The following TBC1D5 variants were observed in gnomAD, a reference collection of about 807,000 sequenced individuals.
TBC1D5 encodes the protein TBC1 domain family, member 5.
TBC1D5 carries 75 observed loss-of-function variants against 100.3 expected under a neutral mutation model. The observed-to-expected ratio is 0.75, with a 90% confidence interval of 0.62 to 0.91. TBC1D5 has a LOEUF of 0.91. Among genes scored for constraint, TBC1D5 ranks in the 40% least tolerant of loss-of-function variants. The pLI is 0.00. For synonymous variants in TBC1D5, 323 were observed against 325.6 expected, an observed-to-expected ratio of 0.99 and a Z score of 0.09; for missense variants, 910 against 942.4, an observed-to-expected ratio of 0.97 and a Z score of 0.45.
intron 13 of TBC1D5, among the ~76,000 whole-genome samples, chr3:17,314,085 C>T (rs892957996): frequency 2.6e-5 from 4 of 152,164 alleles, no homozygotes; most frequent in South Asian, 2.1e-4. Flanking sequence ...GGTTTCACAC[C>T]TATTAGTGTT....
chr3:17,686,354 T>C (rs949844210), intron 1 of TBC1D5, among the ~76,000 whole-genome samples: 4 of 152,164 alleles, frequency 2.6e-5, no homozygotes, highest in South Asian at 4.1e-4. Context: ...CAAGTTATGA[T>C]AGCTGTTCCC....
intron 19 of TBC1D5, among the ~76,000 whole-genome samples, chr3:17,169,979 C>T (rs2067009433): frequency 6.6e-6 from 1 of 152,244 alleles, no homozygotes; most frequent in Non-Finnish European, 1.5e-5. Flanking sequence ...CTACCAGAAT[C>T]CAATGCTGCC....
intron 2 of TBC1D5, among the ~76,000 whole-genome samples, chr3:17,603,764 C>T (rs1364232342): frequency 6.6e-6 from 1 of 152,070 alleles, no homozygotes; most frequent in East Asian, 1.9e-4. Flanking sequence ...CTCTCTGCCT[C>T]AACCTCCCGA....
chr3:17,319,634 G>A (rs1213252298), intron 13 of TBC1D5, among the ~76,000 whole-genome samples: 1 of 151,952 alleles, frequency 6.6e-6, no homozygotes, highest in Non-Finnish European at 1.5e-5. Flanking sequence ...CAGCTGGGAG[G>A]CAGAGGCGGG....
At chr3:17,332,843 G>C (rs372583871) in intron 13 of TBC1D5, among the ~76,000 whole-genome samples, 1 of 152,128 alleles carries the variant, frequency 6.6e-6, no homozygotes, top group Non-Finnish European at 1.5e-5. Context: ...GGTGCTGGGG[G>C]ATGACAGGCC....
intron 2 of TBC1D5, among the ~76,000 whole-genome samples, chr3:17,620,856 C>A (rs192999049): frequency 3.1e-4 from 47 of 152,114 alleles, no homozygotes; most frequent in Middle Eastern, 6.8e-3. Flanking sequence ...AAATTAATAT[C>A]ATAAACACAC....
chr3:17,408,164 T>C (rs1276413134), intron 4 of TBC1D5, among the ~76,000 whole-genome samples: 1 of 152,016 alleles, frequency 6.6e-6, no homozygotes, highest in African/African-American at 2.4e-5. Context: ...TTAACCTCTC[T>C]GTGCCTCAGT....
chr3:17,384,667 C>G (rs557564472), intron 8 of TBC1D5, among the ~76,000 whole-genome samples: 13 of 151,842 alleles, frequency 8.6e-5, no homozygotes, highest in African/African-American at 2.9e-4. Flanking sequence ...AGAGGAGGAA[C>G]ATGGAACATC....
At chr3:17,714,025 A>G (rs903014563) in intron 1 of TBC1D5, among the ~76,000 whole-genome samples, 1 of 152,188 alleles carries the variant, frequency 6.6e-6, no homozygotes, top group Non-Finnish European at 1.5e-5. Flanking sequence ...TTCATGCCCT[A>G]GCCCCATCTC....
At chr3:17,379,768 A>G (rs2092858496) in intron 9 of TBC1D5, among the ~76,000 whole-genome samples, 1 of 152,112 alleles carries the variant, frequency 6.6e-6, no homozygotes, top group African/African-American at 2.4e-5. Flanking sequence ...TATTAAAATT[A>G]TGATTTAAAT....
intron 19 of TBC1D5, among the ~76,000 whole-genome samples, chr3:17,182,742 GCTAT>G (rs1478588784): frequency 6.6e-6 from 1 of 152,088 alleles, no homozygotes; most frequent in Admixed American, 6.5e-5. Flanking sequence ...AACTATATAA[GCTAT>G]CTGTTTATTA....
At chr3:17,370,718 A>G (rs1316963094) in intron 13 of TBC1D5, among the ~76,000 whole-genome samples, 1 of 152,232 alleles carries the variant, frequency 6.6e-6, no homozygotes, top group Non-Finnish European at 1.5e-5. Flanking sequence ...GACTCTGTAT[A>G]AAATGAGAAT....
At chr3:17,492,441 C>CT (rs33930144) in intron 3 of TBC1D5, among the ~76,000 whole-genome samples, 212 of 146,296 alleles carry the variant, frequency 1.4e-3, no homozygotes, top group South Asian at 2.6e-3. Context: ...ACATTTGCAA[C>CT]TTTTTTTTTT....
At chr3:17,301,878 C>A (rs565626497) in intron 14 of TBC1D5, among the ~76,000 whole-genome samples, 1 of 152,290 alleles carries the variant, frequency 6.6e-6, no homozygotes, top group African/African-American at 2.4e-5. Flanking sequence ...GTGGGGGTAT[C>A]ACCATTCATA....
intron 15 of TBC1D5, among the ~76,000 whole-genome samples, chr3:17,286,790 TG>T (rs2081233826): frequency 2.6e-5 from 4 of 152,198 alleles, no homozygotes; most frequent in Admixed American, 2.6e-4. Context: ...AGCTCCTGCA[TG>T]GAAAGGTGGT....
chr3:17,506,383 T>C (rs931590259), intron 3 of TBC1D5, among the ~76,000 whole-genome samples: 8 of 152,340 alleles, frequency 5.3e-5, no homozygotes, highest in Non-Finnish European at 7.3e-5. Context: ...TCTTTCTGCA[T>C]GTGCATGTGC....
At chr3:17,292,331 G>C (rs1414903172) in intron 14 of TBC1D5, among the ~76,000 whole-genome samples, 2 of 152,124 alleles carry the variant, frequency 1.3e-5, no homozygotes, top group Non-Finnish European at 2.9e-5. Flanking sequence ...AATGTCTCCT[G>C]TTTTTCTACT....
rs148727540 is a variant in TBC1D5, at chr3:17,469,210, T to C, written c.97+39264A>G. Among the ~76,000 whole-genome samples, 385 of 152,242 alleles carry C rather than the reference T, an allele frequency of 2.5e-3. 2 individuals carry two copies. Among genetic ancestry groups the C allele is most frequent in the African/African-American group, 8.8e-3 (364 of 41,542 alleles). On this transcript the variant is annotated intron_variant, in intron 3 of 21. Coordinates refer to ENST00000253692, the Ensembl canonical transcript of TBC1D5. ...TGTTAATTATAGACTATCAAATCAA[T>C]AGTAAGAAATCAGCAAATAAATAGA...
intron 1 of TBC1D5, among the ~76,000 whole-genome samples, chr3:17,638,512 G>A (rs1473995583): frequency 6.6e-6 from 1 of 152,060 alleles, no homozygotes; most frequent in African/African-American, 2.4e-5. Context: ...GAAGCAAATG[G>A]AACTGACTTA....
Sources: allele counts gnomAD v4.1 joint callset (sites outside exome capture counted in the v4.1 genomes callset), GRCh38; gene constraint gnomAD v4.1.1; transcripts MANE v1.5; gene names NCBI Gene and HGNC (gene_info 2026-07-23, HGNC 2026-07-21).